Variants in USP22 observed in about 807,000 individuals in gnomAD.
USP22 encodes ubiquitin carboxyl-terminal hydrolase 22.
A neutral mutation model predicts 68.1 loss-of-function variants in USP22; 22 were observed. That is an observed-to-expected ratio of 0.32 (90% CI 0.23 to 0.46). USP22 has a LOEUF of 0.46. USP22 is among the 20% of genes least tolerant of loss of function. The pLI, the probability that USP22 is intolerant of heterozygous loss-of-function variation, is 1.00. For missense variants in USP22, 433 were observed against 695.8 expected (o/e 0.62, Z 4.25); for synonymous variants, 279 against 274.2 (o/e 1.02, Z -0.17).
chr17:21,040,712 G>C (rs1351173913), intron 1 of USP22, among the ~76,000 whole-genome samples: 2 of 152,126 alleles, frequency 1.3e-5, no homozygotes, highest in African/African-American at 2.4e-5. Flanking sequence ...GGGGAAGAAA[G>C]GGAGAGGGAG....
chr17:21,043,255 C>G, upstream of USP22: 1 of 156,312 alleles, frequency 6.4e-6, no homozygotes. Flanking sequence ...GGGGGGGAAG[C>G]TAACGAGGGC....
In USP22 at chr17:21,002,905, A is replaced by C. The variant is rs1913639119; in HGVS notation, c.*126T>G. ...CCAGGTGCAGAGGGGCCACATCTGC[A>C]TGGGAGGTGGTGTCACCAGGCCGGG... On this transcript the variant is annotated 3_prime_UTR_variant, in exon 13 of 13. Coordinates refer to ENST00000261497, the MANE Select transcript of USP22 (RefSeq NM_015276.2). The C allele has an allele frequency of 1.8e-6, 2 of 1,124,144 alleles. No homozygotes were observed. The highest frequency in any genetic ancestry group is 2.6e-6 in the Non-Finnish European group (2 of 764,972). The allele number at this position is 1,124,144 out of a possible 1,614,324, so 69.6% of individuals were successfully genotyped here. A position where few individuals can be genotyped will look rare whatever the true frequency, so the allele number is the denominator to read the frequency against.
rs1480692004 is a variant in USP22, at chr17:21,001,025, G to C, written c.*2006C>G. Reference sequence around the variant, plus strand: ...AGACTGTGCCACTCACTCCAGCCTGGGCAACAAACTCCATCTCAAAAAAAA... The same window carrying C: ...AGACTGTGCCACTCACTCCAGCCTGCGCAACAAACTCCATCTCAAAAAAAA... On this transcript the variant is annotated 3_prime_UTR_variant, in exon 13 of 13. Coordinates refer to ENST00000261497, the MANE Select transcript of USP22 (RefSeq NM_015276.2). 1 of 118,764 alleles carries C rather than the reference G, an allele frequency of 8.4e-6. No individual in the cohort carries two copies. Among genetic ancestry groups the C allele is most frequent in the Non-Finnish European group, 1.7e-5 (1 of 59,458 alleles). The allele number at this position is 118,764 out of a possible 1,614,324, so 7.4% of individuals were successfully genotyped here. A position where few individuals can be genotyped will look rare whatever the true frequency, so the allele number is the denominator to read the frequency against.
chr17:21,007,053 G>A, intron 9 of USP22, 66 bp from the exon 10 acceptor site: 2 of 1,380,262 alleles, frequency 1.4e-6, no homozygotes, highest in South Asian at 2.7e-5. Context: ...GGAAGCTTCA[G>A]GGCCTTCTTC....
rs114744551 is a variant in USP22 at position 21,028,241 on chromosome 17, T to C, written c.304+301A>G. Among the ~76,000 whole-genome samples the C allele has an allele frequency of 4.1e-3, 621 of 152,248 alleles. 3 individuals are homozygous for C. The highest frequency in any genetic ancestry group is 0.014 in the African/African-American group (567 of 41,546). ...AAATGTTTGCCTAAGGTGATTCCTATGTGTTTCAAAGGGTCTGACGTTTCA... is the reference window on the plus strand; with the variant it reads ...AAATGTTTGCCTAAGGTGATTCCTACGTGTTTCAAAGGGTCTGACGTTTCA... On this transcript the variant is annotated intron_variant, in intron 2 of 12. Transcript: ENST00000261497.
chr17:21,034,772 G>T (rs1972333598), intron 1 of USP22, among the ~76,000 whole-genome samples: 1 of 152,120 alleles, frequency 6.6e-6, no homozygotes, highest in African/African-American at 2.4e-5. Flanking sequence ...CTGCAATTTG[G>T]ATATGCCAAA....
intron 1 of USP22, among the ~76,000 whole-genome samples, chr17:21,034,535 C>T (rs1442051357): frequency 2.0e-5 from 3 of 152,186 alleles, no homozygotes; most frequent in African/African-American, 4.8e-5. Context: ...AAGCTTTAAA[C>T]TGCCCGCCGT....
intron 2 of USP22, 29 bp from the exon 3 acceptor site, chr17:21,021,255 C>A: frequency 6.6e-7 from 1 of 1,522,240 alleles, no homozygotes; most frequent in Non-Finnish European, 9.1e-7. Context: ...GAGGAGAAAC[C>A]AAGTTGAATT....
At chr17:21,031,980 T>C (rs1358025981) in intron 1 of USP22, among the ~76,000 whole-genome samples, 2 of 152,258 alleles carry the variant, frequency 1.3e-5, no homozygotes, top group Non-Finnish European at 2.9e-5. Context: ...CTCAATCTTA[T>C]GTCTGGTATA....
chr17:21,035,694 C>A (rs923394664), intron 1 of USP22, among the ~76,000 whole-genome samples: 1 of 152,136 alleles, frequency 6.6e-6, no homozygotes, highest in African/African-American at 2.4e-5. Context: ...ACTTAAACGA[C>A]TTACCAGTAT....
intron 1 of USP22, among the ~76,000 whole-genome samples, chr17:21,031,246 A>T (rs1220247783): frequency 6.6e-6 from 1 of 152,238 alleles, no homozygotes; most frequent in Non-Finnish European, 1.5e-5. Context: ...TATTACTTGC[A>T]ACACCGCAGA....
Position 21,015,891 on chromosome 17 carries a change from A to G in USP22, c.699T>C (p.Ser233=). The change falls in exon 6 of 13, where the codon TCT becomes TCC. Residue 233 remains serine (S), a synonymous_variant. Transcript: ENST00000261497. ...EMSSLFQEFY[S]GHRSPHIPYK... The stretch of plus-strand genomic sequence containing the variant: ...ACGGGATGTGAGGGGACCGGTGTCC[A>G]GAGTAAAACTGCCAGAGGGCGGGGA... 1.9e-6 allele frequency: 3 copies of G among 1,614,060 alleles called. No individual in the cohort carries two copies. Among genetic ancestry groups the G allele is most frequent in the Non-Finnish European group, 2.5e-6 (3 of 1,179,986 alleles).
chr17:21,039,976 A>T (rs1034121180), intron 1 of USP22, among the ~76,000 whole-genome samples: 1 of 152,124 alleles, frequency 6.6e-6, no homozygotes, highest in African/African-American at 2.4e-5. Flanking sequence ...AGACAGGAGG[A>T]TGGCTTGAGT....
chr17:21,003,477 G>A (rs956305598), intron 12 of USP22, among the ~76,000 whole-genome samples: 5 of 152,228 alleles, frequency 3.3e-5, no homozygotes, highest in Admixed American at 6.5e-5. Flanking sequence ...CTTGGCTTCC[G>A]TGTTGCTCAG....
intron 11 of USP22, 119 bp downstream of exon 11, chr17:21,004,786 GCCAATAGTGGAGCTGCGGGCAGC>G: frequency 2.3e-5 from 2 of 86,192 alleles, no homozygotes; most frequent in Non-Finnish European, 3.3e-5. Context: ...GCTGCGGGCA[GCCAATAGTGGAGCTGCGGGCAGC>G]CAAGCGGGAA....
rs542852809 is a variant in USP22, at chr17:21,024,023, T to C, written c.305-2797A>G. ...TCTTTGAAGTCTTCCAAAGCAGATC[T>C]GTTGAAACTCAAAACAGCAGTTTAA... On this transcript the variant is annotated intron_variant, in intron 2 of 12. Coordinates refer to ENST00000261497, the MANE Select transcript of USP22 (RefSeq NM_015276.2). Among the ~76,000 whole-genome samples the C allele has an allele frequency of 1.1e-4, 17 of 152,348 alleles. 1 individual carries two copies. The South Asian group carries it at 1.4e-3, about 13-fold the overall frequency.
chr17:21,004,498 G>A, intron 11 of USP22, 147 bp from the exon 12 acceptor site: 1 of 1,044,330 alleles, frequency 9.6e-7, no homozygotes, highest in Non-Finnish European at 1.4e-6. Context: ...ATGCACAGGA[G>A]GCTGCAGGAA....
intron 6 of USP22, 97 bp downstream of exon 6, chr17:21,015,655 G>A (rs1225653777): frequency 1.8e-5 from 26 of 1,431,588 alleles, no homozygotes; most frequent in Non-Finnish European, 2.3e-5. Flanking sequence ...TGTGTCACCT[G>A]TGCCCCTTTT....
rs1239935491 is a variant in USP22 at position 20,999,870 on chromosome 17, CT to C, written c.*3160del. 6.6e-6 allele frequency: 1 copy of C among 152,232 alleles called. No homozygotes were observed. The highest frequency in any genetic ancestry group is 1.5e-5 in the Non-Finnish European group (1 of 68,064). The allele number at this position is 152,232 out of a possible 1,614,324, so 9.4% of individuals were successfully genotyped here. ...AGCCAAAATACAATAGCACTCAGGT[CT>C]ATATGTTGCAGTGGTGCTGGCGCTG... On this transcript the variant is annotated 3_prime_UTR_variant, in exon 13 of 13. Coordinates refer to ENST00000261497, the MANE Select transcript of USP22 (RefSeq NM_015276.2).
Sources: gnomAD v4.1 joint callset for allele counts (sites outside exome capture counted in the v4.1 genomes callset) on GRCh38, gnomAD v4.1.1 for gene constraint, MANE v1.5 for transcripts, NCBI Gene and HGNC (gene_info 2026-07-23, HGNC 2026-07-21) for gene names.